The following GARRE1 variants were observed in gnomAD, a reference collection of about 807,000 sequenced individuals.
GARRE1 encodes granule associated Rac and RHOG effector 1.
Under a neutral mutation model 103.2 loss-of-function variants are expected in GARRE1, and 49 were observed. The observed-to-expected ratio is 0.47, with a 90% CI of 0.38 to 0.60. The LOEUF is 0.60. Among genes scored for constraint, GARRE1 ranks in the 20% least tolerant of loss-of-function variants. The probability of loss-of-function intolerance (pLI) is 0.00; values close to 1 mark genes in which losing one functional copy is unlikely to be tolerated. For synonymous variants in GARRE1, 505 were observed against 532.8 expected, an observed-to-expected ratio of 0.95 and a Z score of 0.72; for missense variants, 1,199 against 1,370.5, an observed-to-expected ratio of 0.87 and a Z score of 1.98.
At position 34,281,940 on chromosome 19, in the gene GARRE1, C is replaced by T. The variant is rs1360495037; in HGVS notation, c.-795-17739C>T. On this transcript the variant is annotated intron_variant, in intron 1 of 13. Coordinates refer to ENST00000299505, the MANE Select transcript of GARRE1 (RefSeq NM_014686.5). Reference sequence around the variant, plus strand: ...CTCCTTGTCTTTGTTCTTCTCTATACGTTGTAGGTAAACATCTTTGTTGGT... The same window carrying T: ...CTCCTTGTCTTTGTTCTTCTCTATATGTTGTAGGTAAACATCTTTGTTGGT... Among the ~76,000 whole-genome samples, 5 of 152,258 alleles carry T rather than the reference C, an allele frequency of 3.3e-5. No homozygotes were observed. In the East Asian group the frequency reaches 7.7e-4, roughly 23 times the overall value.
intron 1 of GARRE1, among the ~76,000 whole-genome samples, chr19:34,272,853 C>G (rs1425859018): frequency 6.6e-6 from 1 of 152,224 alleles, no homozygotes; most frequent in Non-Finnish European, 1.5e-5. Context: ...ATGAAGAACT[C>G]ACTTCATCTT....
intron 1 of GARRE1, among the ~76,000 whole-genome samples, chr19:34,284,164 T>G (rs1297906448): frequency 2.4e-5 from 3 of 122,526 alleles, no homozygotes; most frequent in Non-Finnish European, 4.8e-5. Flanking sequence ...ACAGTCTCAC[T>G]CAGTCACCCA....
In GARRE1 at chr19:34,355,392, G is replaced by T. The variant is rs2074266895; in HGVS notation, c.*2437G>T. 6.5e-6 allele frequency: 1 copy of T among 152,816 alleles called. No individual in the cohort carries two copies. Among genetic ancestry groups the T allele is most frequent in the South Asian group, 2.1e-4 (1 of 4,828 alleles). 9.5% of individuals were successfully genotyped at this position (152,816 alleles called of 1,614,324 possible). On this transcript the variant is annotated 3_prime_UTR_variant, in exon 14 of 14. Transcript: ENST00000299505. ...CTCGCCAAAGCGCATGTGTGTGCAT[G>T]TGTGAACGTGTGTGTCCTTTGCATG...
At chr19:34,259,556 G>A (rs566317319) in intron 1 of GARRE1, among the ~76,000 whole-genome samples, 98 of 152,284 alleles carry the variant, frequency 6.4e-4, no homozygotes, top group African/African-American at 2.3e-3. Flanking sequence ...TAGAAGGGGA[G>A]TCACCAAGTA....
At chr19:34,319,435 T>A (rs1297878750) in intron 2 of GARRE1, among the ~76,000 whole-genome samples, 1 of 152,208 alleles carries the variant, frequency 6.6e-6, no homozygotes, top group Non-Finnish European at 1.5e-5. Context: ...CCTACTAAAA[T>A]AACCGGTATA....
chr19:34,271,713 A>G (rs753109660), intron 1 of GARRE1, among the ~76,000 whole-genome samples: 38 of 152,100 alleles, frequency 2.5e-4, no homozygotes, highest in Non-Finnish European at 1.5e-4. Context: ...TCAAAAAATA[A>G]AAATTAGCTG....
chr19:34,271,159 A>G (rs1430087914), intron 1 of GARRE1, among the ~76,000 whole-genome samples: 2 of 151,692 alleles, frequency 1.3e-5, no homozygotes, highest in Non-Finnish European at 2.9e-5. Flanking sequence ...CATATCTGAC[A>G]TTCTCATAAT....
intron 2 of GARRE1, among the ~76,000 whole-genome samples, chr19:34,318,573 C>T (rs567414263): frequency 6.6e-6 from 1 of 152,178 alleles, no homozygotes. Context: ...TATAAAATAT[C>T]TTCCACAAAA....
chr19:34,278,783 T>A (rs2073833544), intron 1 of GARRE1, among the ~76,000 whole-genome samples: 1 of 152,100 alleles, frequency 6.6e-6, no homozygotes, highest in African/African-American at 2.4e-5. Flanking sequence ...GTGATCCTCA[T>A]GCCTCAGCCT....
At chr19:34,283,710 C>A (rs1019385904) in intron 1 of GARRE1, among the ~76,000 whole-genome samples, 1 of 152,106 alleles carries the variant, frequency 6.6e-6, no homozygotes, top group Non-Finnish European at 1.5e-5. Flanking sequence ...TCTTATCTTT[C>A]TAAAGGGAAG....
intron 1 of GARRE1, among the ~76,000 whole-genome samples, chr19:34,260,274 A>G (rs1168338688): frequency 6.6e-6 from 1 of 152,258 alleles, no homozygotes; most frequent in East Asian, 1.9e-4. Context: ...AAATTAAGGT[A>G]TGTGCATTGT....
intron 2 of GARRE1, among the ~76,000 whole-genome samples, chr19:34,302,734 T>C (rs1366595911): frequency 1.4e-5 from 2 of 142,972 alleles, no homozygotes; most frequent in South Asian, 4.5e-4. Flanking sequence ...GGGTCTTTGA[T>C]AGTTTTTTTT....
intron 3 of GARRE1, 49 bp downstream of exon 3, chr19:34,320,165 C>A: frequency 6.7e-7 from 1 of 1,494,308 alleles, no homozygotes; most frequent in Non-Finnish European, 9.3e-7. Flanking sequence ...ATAGGAGAGG[C>A]TCCAGAGGGC....
intron 1 of GARRE1, among the ~76,000 whole-genome samples, chr19:34,259,454 G>T (rs1474574721): frequency 2.0e-5 from 3 of 152,208 alleles, no homozygotes; most frequent in Admixed American, 6.5e-5. Context: ...GTACAGCCCA[G>T]TTACTTTACT....
intron 1 of GARRE1, among the ~76,000 whole-genome samples, chr19:34,282,846 C>G (rs1231337482): frequency 6.6e-6 from 1 of 152,214 alleles, no homozygotes; most frequent in Non-Finnish European, 1.5e-5. Context: ...CCTCTCTGTT[C>G]TCTTTTGGCC....
chr19:34,332,505 C>T (rs769036127), intron 7 of GARRE1, among the ~76,000 whole-genome samples: 2 of 151,854 alleles, frequency 1.3e-5, no homozygotes, highest in African/African-American at 2.4e-5. Context: ...CTTCCTAGTT[C>T]CTTGCGTCTT....
rs1362293303 is a variant in GARRE1, at chr19:34,319,909, G to T, written c.498G>T (p.Val166=). 1 of 1,614,030 alleles carries T rather than the reference G, an allele frequency of 6.2e-7. No homozygotes were observed. Among genetic ancestry groups the T allele is most frequent in the African/African-American group, 1.3e-5 (1 of 74,954 alleles). The change falls in exon 3 of 14, where the codon GTG becomes GTT. Residue 166 remains valine (V), a splice_region_variant and synonymous_variant. Transcript: ENST00000299505. ...CCCTGGCTGTCTTGTTTTCACAGGTGTTGGGGCGATGTTTCCTGACTGTGG... is the reference window on the plus strand; with the variant it reads ...CCCTGGCTGTCTTGTTTTCACAGGTTTTGGGGCGATGTTTCCTGACTGTGG... ...QKEFSLQDIE[V]LGRCFLTVVQ...
At chr19:34,348,124 C>T (rs2074221220) in intron 11 of GARRE1, 82 bp downstream of exon 11, 24 of 1,207,528 alleles carry the variant, frequency 2.0e-5, no homozygotes, top group Non-Finnish European at 2.6e-5. Context: ...GGCTCCTTGC[C>T]TGTGTGCATT....
chr19:34,355,034 T>G lies in GARRE1; in HGVS notation c.*2079T>G, dbSNP rs933346328. 3 of 152,680 alleles carry G rather than the reference T, an allele frequency of 2.0e-5. No individual in the cohort carries two copies. The highest frequency in any genetic ancestry group is 7.2e-5 in the African/African-American group (3 of 41,464). The allele number at this position is 152,680 out of a possible 1,614,324, so 9.5% of individuals were successfully genotyped here. On this transcript the variant is annotated 3_prime_UTR_variant, in exon 14 of 14. Transcript: ENST00000299505. ...TTAAAGTTGTCTATGGCTGTTCTAC[T>G]TGTAAGATAGTTTTCTATTTCCTTC... is the stretch of plus-strand genomic sequence containing the variant.
Sources: gnomAD v4.1 joint callset for allele counts (sites outside exome capture counted in the v4.1 genomes callset) on GRCh38, gnomAD v4.1.1 for gene constraint, MANE v1.5 for transcripts, NCBI Gene and HGNC (gene_info 2026-07-23, HGNC 2026-07-21) for gene names.